TRIM67: variants seen among roughly 807,000 people sequenced by gnomAD.
TRIM67 encodes tripartite motif containing 67.
A neutral mutation model predicts 71.0 loss-of-function variants in TRIM67; 39 were observed. The ratio of observed to expected loss-of-function variants is 0.55; its 90% CI spans 0.43 to 0.72. The LOEUF (loss-of-function observed/expected upper bound fraction) is 0.72, where lower values mean the gene tolerates loss of function less well. Among genes scored for constraint, TRIM67 ranks in the 30% least tolerant of loss-of-function variants. The pLI, the probability that TRIM67 is intolerant of heterozygous loss-of-function variation, is 0.00. For synonymous variants in TRIM67, 481 were observed against 473.9 expected, an observed-to-expected ratio of 1.01 and a Z score of -0.19; for missense variants, 973 against 1,079.2, an observed-to-expected ratio of 0.90 and a Z score of 1.38.
chr1:231,208,196 CAG>C (rs1683765875), intron 7 of TRIM67, among the ~76,000 whole-genome samples: 1 of 147,496 alleles, frequency 6.8e-6, no homozygotes, highest in African/African-American at 2.5e-5. Flanking sequence ...TTTTTTGAGA[CAG>C]AGTCTTGATC....
In TRIM67 at chr1:231,163,519, G is replaced by A; in HGVS notation, c.550G>A (p.Ala184Thr). The A allele has an allele frequency of 6.6e-7, 1 of 1,517,554 alleles. No homozygotes were observed. Among genetic ancestry groups the A allele is most frequent in the East Asian group, 2.6e-5 (1 of 38,680 alleles). The allele number at this position is 1,517,554 out of a possible 1,614,324, so 94.0% of individuals were successfully genotyped here. A position where few individuals can be genotyped will look rare whatever the true frequency, so the allele number is the denominator to read the frequency against. The change falls in exon 1 of 10, where the codon GCC becomes ACC. Residue 184 changes from alanine (A) to threonine (T), a missense_variant. Physicochemically the swap from Ala to Thr is moderately conservative, Grantham distance 58 (BLOSUM62 0). Transcript: ENST00000366653. ...RGFQRNRLLE[A>T]IVQRYQQGRG... ...CTTCCAGCGCAACCGGCTGCTCGAG[G>A]CCATCGTGCAGCGGTACCAGCAGGG... is the stretch of plus-strand genomic sequence containing the variant.
chr1:231,208,469 C>T (rs537758457), intron 7 of TRIM67, among the ~76,000 whole-genome samples: 1 of 152,176 alleles, frequency 6.6e-6, no homozygotes, highest in African/African-American at 2.4e-5. Context: ...CCACCATGCC[C>T]GGCCACGAAT....
chr1:231,190,678 C>A (rs912925071), intron 1 of TRIM67, among the ~76,000 whole-genome samples: 40 of 152,186 alleles, frequency 2.6e-4, no homozygotes, highest in African/African-American at 9.4e-4. Flanking sequence ...TACCATCAAT[C>A]CCTCATGCTG....
rs754421584 is a variant in TRIM67, at chr1:231,203,309, G to C, written c.1535-558G>C. Among the ~76,000 whole-genome samples, 4 of 152,112 alleles carry C rather than the reference G, an allele frequency of 2.6e-5. No individual in the cohort carries two copies. The East Asian group carries it at 5.8e-4, about 22-fold the overall frequency. The stretch of plus-strand genomic sequence containing the variant: ...TCTTTAGGTTGACTGTCCAATACTC[G>C]AGACTTTCTTCTGTTGCCTGGATCT... On this transcript the variant is annotated intron_variant, in intron 5 of 9. Coordinates refer to ENST00000366653, the MANE Select transcript of TRIM67 (RefSeq NM_001004342.5).
intron 1 of TRIM67, chr1:231,186,091 C>A (rs866233091): frequency 1.0e-5 from 16 of 1,533,116 alleles, no homozygotes; most frequent in Non-Finnish European, 1.4e-5. Context: ...TCCTGATAGG[C>A]GGCTGGCAGT....
chr1:231,213,688 G>A (rs1571906304), intron 8 of TRIM67, 127 bp from the exon 9 acceptor site: 16 of 1,164,828 alleles, frequency 1.4e-5, no homozygotes, highest in Admixed American at 2.6e-5. Context: ...CCGAGATGGC[G>A]TCACTGCACT....
rs1402267120 is a variant in TRIM67, at chr1:231,163,742, C to T, written c.773C>T (p.Pro258Leu). The change falls in exon 1 of 10, where the codon CCG becomes CTG. Residue 258 changes from proline (P) to leucine (L), a missense_variant. Transcript: ENST00000366653. ...HRLVQPPPPP[P>L]PPAEAASGPT... ...CTGGTGCAGCCGCCGCCGCCGCCGC[C>T]GCCGCCCGCCGAGGCAGCCTCCGGG... is the stretch of plus-strand genomic sequence containing the variant. 2.7e-6 allele frequency: 4 copies of T among 1,492,208 alleles called. No individual in the cohort carries two copies. The highest frequency in any genetic ancestry group is 2.9e-5 in the African/African-American group (2 of 68,442). 92.4% of individuals were successfully genotyped at this position (1,492,208 alleles called of 1,614,324 possible). A position where few individuals can be genotyped will look rare whatever the true frequency, so the allele number is the denominator to read the frequency against.
chr1:231,176,231 A>G (rs1053842430), intron 1 of TRIM67, among the ~76,000 whole-genome samples: 2 of 152,208 alleles, frequency 1.3e-5, no homozygotes, highest in Non-Finnish European at 2.9e-5. Flanking sequence ...AACAGGCCAC[A>G]AGACAGCTCA....
intron 1 of TRIM67, among the ~76,000 whole-genome samples, chr1:231,193,928 G>T (rs1683302455): frequency 1.3e-5 from 2 of 152,128 alleles, no homozygotes; most frequent in South Asian, 4.1e-4. Flanking sequence ...CTCCCACTAG[G>T]CTCCACCTCC....
chr1:231,204,902 T>C (rs77231736), intron 6 of TRIM67, among the ~76,000 whole-genome samples: 2,083 of 152,288 alleles, frequency 0.014, 31 homozygotes, highest in Non-Finnish European at 0.017. Context: ...GTAAGAATTA[T>C]GGAAATAATT....
At chr1:231,189,984 TTTTAGGCTTGTAAGACACA>T (rs1219002610) in intron 1 of TRIM67, among the ~76,000 whole-genome samples, 4 of 152,154 alleles carry the variant, frequency 2.6e-5, no homozygotes, top group Non-Finnish European at 5.9e-5. Flanking sequence ...CATACCTTGA[TTTTAGGCTTGTAAGACACA>T]TTTTGGACTT....
chr1:231,181,134 T>G (rs541819094), intron 1 of TRIM67, among the ~76,000 whole-genome samples: 1 of 152,230 alleles, frequency 6.6e-6, no homozygotes, highest in South Asian at 2.1e-4. Flanking sequence ...TCCAGCTAAT[T>G]TTTATATTTT....
chr1:231,164,947 AAAC>A (rs1682411629), intron 1 of TRIM67, among the ~76,000 whole-genome samples: 1 of 152,206 alleles, frequency 6.6e-6, no homozygotes, highest in Admixed American at 6.5e-5. Context: ...AAATTAGAAA[AAAC>A]AAACATGAAA....
intron 1 of TRIM67, among the ~76,000 whole-genome samples, chr1:231,196,531 G>T (rs900079953): frequency 6.6e-6 from 1 of 150,982 alleles, no homozygotes; most frequent in African/African-American, 2.4e-5. Flanking sequence ...AGTCATGATT[G>T]AGCCACTGCA....
intron 1 of TRIM67, among the ~76,000 whole-genome samples, chr1:231,181,507 G>GA (rs1682907262): frequency 1.3e-5 from 2 of 152,184 alleles, no homozygotes; most frequent in African/African-American, 4.8e-5. Context: ...TAAGCTGTCT[G>GA]ATACAACCAT....
intron 1 of TRIM67, among the ~76,000 whole-genome samples, chr1:231,167,353 C>T (rs1231459664): frequency 1.6e-3 from 38 of 23,336 alleles, no homozygotes; most frequent in African/African-American, 5.9e-3. Context: ...GACGGAGTCT[C>T]GCTCTGTCGC....
At chr1:231,176,006 T>C (rs1682737399) in intron 1 of TRIM67, among the ~76,000 whole-genome samples, 2 of 152,172 alleles carry the variant, frequency 1.3e-5, no homozygotes, top group African/African-American at 4.8e-5. Flanking sequence ...CTGGGTGTCA[T>C]GGGAGGGTGG....
chr1:231,206,889 TG>T (rs1342591897), intron 7 of TRIM67, 99 bp downstream of exon 7: 28 of 1,255,506 alleles, frequency 2.2e-5, no homozygotes, highest in East Asian at 1.1e-4. Flanking sequence ...GGGGTAGGGG[TG>T]GGGGGTGGTG....
At chr1:231,197,552 A>T (rs1016398238) in intron 2 of TRIM67, 86 bp downstream of exon 2, 1 of 1,256,458 alleles carries the variant, frequency 8.0e-7, no homozygotes, top group East Asian at 2.4e-5. Flanking sequence ...GAGGCGGGGC[A>T]CGGTGGCTCA....
Sources: gnomAD v4.1 joint callset for allele counts (sites outside exome capture counted in the v4.1 genomes callset) on GRCh38, gnomAD v4.1.1 for gene constraint, MANE v1.5 for transcripts, NCBI Gene and HGNC (gene_info 2026-07-23, HGNC 2026-07-21) for gene names.